Variants in LRMDA observed in about 807,000 individuals in gnomAD.
LRMDA encodes leucine-rich melanocyte differentiation-associated protein.
In LRMDA, 18 loss-of-function variants were observed where a neutral mutation model predicts 29.8. The observed-to-expected ratio is 0.60, with a 90% CI of 0.42 to 0.90. The LOEUF is 0.90. Among genes scored for constraint, LRMDA ranks in the 40% least tolerant of loss-of-function variants. The probability of loss-of-function intolerance (pLI) is 0.00; values close to 1 mark genes in which losing one functional copy is unlikely to be tolerated. For missense variants in LRMDA, 273 were observed against 273.9 expected (o/e 1.00, Z 0.02); for synonymous variants, 125 against 109.4 (o/e 1.14, Z -0.89).
At chr10:76,005,472 C>T (rs1293812160) in intron 2 of LRMDA, among the ~76,000 whole-genome samples, 1 of 152,122 alleles carries the variant, frequency 6.6e-6, no homozygotes, top group Non-Finnish European at 1.5e-5. Flanking sequence ...TAAAATCAAG[C>T]CAGTTTCCTT....
chr10:75,800,272 A>G (rs974703427), intron 2 of LRMDA, among the ~76,000 whole-genome samples: 4 of 152,186 alleles, frequency 2.6e-5, no homozygotes, highest in Non-Finnish European at 4.4e-5. Flanking sequence ...ACTTTGTCCA[A>G]TATCAGTTGT....
intron 6 of LRMDA, among the ~76,000 whole-genome samples, chr10:76,380,513 C>T (rs1841576621): frequency 1.3e-5 from 2 of 151,448 alleles, no homozygotes; most frequent in Non-Finnish European, 2.9e-5. Flanking sequence ...ACTAAAAATA[C>T]AAAAAATTAG....
intron 2 of LRMDA, among the ~76,000 whole-genome samples, chr10:75,739,551 C>CCATA (rs1842805221): frequency 6.6e-6 from 1 of 152,072 alleles, no homozygotes; most frequent in Non-Finnish European, 1.5e-5. Context: ...GTTGGTCAGG[C>CCATA]CATATATTAT....
chr10:76,173,669 T>A (rs1427923002), intron 5 of LRMDA, among the ~76,000 whole-genome samples: 1 of 150,760 alleles, frequency 6.6e-6, no homozygotes, highest in Non-Finnish European at 1.5e-5. Context: ...CCATTTATAA[T>A]TTTTTTTTTG....
At chr10:75,704,904 T>C (rs952866668) in intron 2 of LRMDA, among the ~76,000 whole-genome samples, 3 of 152,196 alleles carry the variant, frequency 2.0e-5, no homozygotes, top group African/African-American at 7.2e-5. Context: ...GAAAGGGTAA[T>C]ACACAGAGAA....
chr10:76,176,747 C>T (rs1256572735), intron 5 of LRMDA, among the ~76,000 whole-genome samples: 5 of 152,162 alleles, frequency 3.3e-5, no homozygotes, highest in Admixed American at 3.3e-4. Context: ...GAGCCAAGAT[C>T]GTACCACTGC....
chr10:75,523,182 T>C (rs1845380202), intron 2 of LRMDA, among the ~76,000 whole-genome samples: 1 of 152,218 alleles, frequency 6.6e-6, no homozygotes, highest in African/African-American at 2.4e-5. Context: ...TAAAGTACTG[T>C]CCACATATAG....
chr10:75,751,966 G>A (rs1190321928), intron 2 of LRMDA, among the ~76,000 whole-genome samples: 2 of 151,814 alleles, frequency 1.3e-5, no homozygotes, highest in East Asian at 3.9e-4. Context: ...CAATCCTTTA[G>A]TTTAAATCTA....
chr10:75,716,781 GGTGA>G (rs1403273324), intron 2 of LRMDA, among the ~76,000 whole-genome samples: 21 of 152,132 alleles, frequency 1.4e-4, no homozygotes, highest in Non-Finnish European at 1.8e-4. Context: ...CCACATAAAA[GGTGA>G]GTGACTCCGT....
At chr10:75,682,593 A>C (rs889377498) in intron 2 of LRMDA, among the ~76,000 whole-genome samples, 1 of 152,232 alleles carries the variant, frequency 6.6e-6, no homozygotes, top group Admixed American at 6.5e-5. Context: ...AGACCTGATA[A>C]CTCTGTGAAG....
chr10:76,312,492 TA>T (rs200371356), intron 5 of LRMDA, among the ~76,000 whole-genome samples: 1 of 151,668 alleles, frequency 6.6e-6, no homozygotes, highest in Non-Finnish European at 1.5e-5. Flanking sequence ...CCCTCAAGAT[TA>T]AAAAAAACCT....
At chr10:76,407,436 G>A (rs1019530041) in intron 6 of LRMDA, among the ~76,000 whole-genome samples, 25 of 152,268 alleles carry the variant, frequency 1.6e-4, no homozygotes, top group African/African-American at 5.3e-4. Flanking sequence ...GCAAAATAAT[G>A]AATAAATTAA....
chr10:76,429,161 T>G (rs1481402288), intron 6 of LRMDA, among the ~76,000 whole-genome samples: 1 of 151,358 alleles, frequency 6.6e-6, no homozygotes, highest in Non-Finnish European at 1.5e-5. Context: ...TGTTGGAGAA[T>G]TAACAAAAAA....
intron 5 of LRMDA, among the ~76,000 whole-genome samples, chr10:76,212,268 T>TAAA (rs201037683): frequency 9.2e-6 from 1 of 108,190 alleles, no homozygotes. Context: ...CACACACACA[T>TAAA]AAAAAAAAAA....
intron 6 of LRMDA, among the ~76,000 whole-genome samples, chr10:76,413,166 A>C (rs569822295): frequency 6.6e-6 from 1 of 151,962 alleles, no homozygotes; most frequent in Non-Finnish European, 1.5e-5. Flanking sequence ...TCTGTCTTTG[A>C]GCCCTTTCTT....
chr10:75,692,564 CGTGTGTGTGTGTGTGTGTGTGT>C (rs10553888), intron 2 of LRMDA, among the ~76,000 whole-genome samples: 6 of 140,266 alleles, frequency 4.3e-5, no homozygotes, highest in African/African-American at 1.5e-4. Context: ...CATATGTATA[CGTGTGTGTGTGTGTGTGTGTGT>C]GTGTGTGTGT....
intron 6 of LRMDA, among the ~76,000 whole-genome samples, chr10:76,457,658 T>C (rs1284090843): frequency 6.6e-6 from 1 of 152,182 alleles, no homozygotes; most frequent in Non-Finnish European, 1.5e-5. Flanking sequence ...TAAGTTATAG[T>C]GCTATGGGCC....
intron 6 of LRMDA, among the ~76,000 whole-genome samples, chr10:76,458,742 C>T (rs572917068): frequency 6.6e-6 from 1 of 152,264 alleles, no homozygotes; most frequent in East Asian, 1.9e-4. Context: ...ACAGAAATCT[C>T]CTCTATGTGA....
chr10:75,532,669 A>G (rs888637170), intron 2 of LRMDA, among the ~76,000 whole-genome samples: 1 of 151,998 alleles, frequency 6.6e-6, no homozygotes, highest in Non-Finnish European at 1.5e-5. Flanking sequence ...CATTCTCAGT[A>G]TGGTTGAGAC....
Sources: gnomAD v4.1 joint callset for allele counts (sites outside exome capture counted in the v4.1 genomes callset) on GRCh38, gnomAD v4.1.1 for gene constraint, MANE v1.5 for transcripts, NCBI Gene and HGNC (gene_info 2026-07-23, HGNC 2026-07-21) for gene names.